CNTN4: variants seen among roughly 807,000 people sequenced by gnomAD.
CNTN4 encodes the protein contactin-4.
CNTN4 carries 77 observed loss-of-function variants against 122.5 expected under a neutral mutation model. That is an observed-to-expected ratio of 0.63 (90% CI 0.52 to 0.76). The LOEUF is 0.76. Ranked by LOEUF, CNTN4 falls within the 30% of genes least tolerant of loss-of-function variation. CNTN4 has a pLI of 0.00. For synonymous variants in CNTN4, 512 were observed against 447.0 expected, an observed-to-expected ratio of 1.15 and a Z score of -1.83; for missense variants, 1,256 against 1,259.1, an observed-to-expected ratio of 1.00 and a Z score of 0.04.
At chr3:2,915,604 C>A (rs1298537626) in intron 12 of CNTN4, among the ~76,000 whole-genome samples, 3 of 152,110 alleles carry the variant, frequency 2.0e-5, no homozygotes, top group African/African-American at 7.2e-5. Flanking sequence ...AAAAAGCTTT[C>A]AATTTTTCAC....
intron 3 of CNTN4, among the ~76,000 whole-genome samples, chr3:2,389,893 T>C (rs1431110794): frequency 1.3e-5 from 2 of 152,196 alleles, no homozygotes; most frequent in Non-Finnish European, 2.9e-5. Flanking sequence ...AAAATAATTG[T>C]CCTGTAATAT....
chr3:2,225,746 G>A (rs2039257453), intron 2 of CNTN4, among the ~76,000 whole-genome samples: 1 of 152,064 alleles, frequency 6.6e-6, no homozygotes, highest in Non-Finnish European at 1.5e-5. Flanking sequence ...CCCATTTGGG[G>A]TGCCCTTCCT....
chr3:2,146,458 C>A (rs373871207), intron 2 of CNTN4, among the ~76,000 whole-genome samples: 1 of 151,942 alleles, frequency 6.6e-6, no homozygotes, highest in Non-Finnish European at 1.5e-5. Flanking sequence ...ATAAGAAATA[C>A]ATTTTATATT....
chr3:2,105,341 C>T (rs530789879), intron 2 of CNTN4, among the ~76,000 whole-genome samples: 1 of 152,198 alleles, frequency 6.6e-6, no homozygotes, highest in South Asian at 2.1e-4. Context: ...TCTGGCTATG[C>T]CTAAAGTGAG....
intron 4 of CNTN4, among the ~76,000 whole-genome samples, chr3:2,630,995 C>G (rs1226068635): frequency 1.3e-5 from 2 of 152,132 alleles, no homozygotes; most frequent in South Asian, 4.1e-4. Flanking sequence ...CTTTCATTCC[C>G]ATGAGATCTC....
At position 2,384,372 on chromosome 3, in the gene CNTN4, C is replaced by T. The variant is rs543953289; in HGVS notation, c.-89+45139C>T. Among the ~76,000 whole-genome samples, 16 of 152,186 alleles carry T rather than the reference C, an allele frequency of 1.1e-4. No individual in the cohort carries two copies. In the East Asian group the frequency reaches 2.7e-3, roughly 26 times the overall value. On this transcript the variant is annotated intron_variant, in intron 3 of 24. Transcript: ENST00000418658. The stretch of plus-strand genomic sequence containing the variant: ...GCTTCCACCAAAGTTCTCATCTTAC[C>T]ATCTTACCTCTTCCAAAGTCGCCTA...
At chr3:2,821,606 A>G (rs1377497850) in intron 7 of CNTN4, among the ~76,000 whole-genome samples, 1 of 152,208 alleles carries the variant, frequency 6.6e-6, no homozygotes, top group Non-Finnish European at 1.5e-5. Flanking sequence ...TAATTTTACT[A>G]GTAAGGGAGA....
intron 6 of CNTN4, among the ~76,000 whole-genome samples, chr3:2,798,919 C>G (rs1034303350): frequency 1.3e-5 from 2 of 152,114 alleles, no homozygotes; most frequent in Non-Finnish European, 2.9e-5. Context: ...AATCTCTATA[C>G]TGTTTTCCAT....
chr3:2,858,623 C>T (rs1186895441), intron 7 of CNTN4, among the ~76,000 whole-genome samples: 3 of 151,348 alleles, frequency 2.0e-5, no homozygotes, highest in African/African-American at 4.9e-5. Flanking sequence ...CTTGGGAGGC[C>T]GAGATGGGAG....
At chr3:3,001,039 G>T (rs1392652054) in intron 14 of CNTN4, among the ~76,000 whole-genome samples, 1 of 152,102 alleles carries the variant, frequency 6.6e-6, no homozygotes, top group Non-Finnish European at 1.5e-5. Flanking sequence ...TTAATCATAT[G>T]TTGGGATTTG....
intron 10 of CNTN4, among the ~76,000 whole-genome samples, chr3:2,900,382 C>T (rs969699999): frequency 1.1e-4 from 17 of 151,890 alleles, no homozygotes; most frequent in African/African-American, 4.1e-4. Context: ...ATATTCTCTA[C>T]TGAAAGGAAA....
At chr3:2,358,796 A>G (rs1336325594) in intron 3 of CNTN4, among the ~76,000 whole-genome samples, 1 of 152,176 alleles carries the variant, frequency 6.6e-6, no homozygotes, top group Non-Finnish European at 1.5e-5. Flanking sequence ...TTTTGTAGAA[A>G]TTATTTTTTA....
intron 2 of CNTN4, among the ~76,000 whole-genome samples, chr3:2,170,301 C>G (rs1468843140): frequency 2.6e-5 from 4 of 151,310 alleles, no homozygotes; most frequent in Admixed American, 1.3e-4. Context: ...GCCTGGGCGA[C>G]ACACCAAGAC....
In CNTN4 at chr3:2,260,487, G is replaced by GA. The variant is rs2149743861; in HGVS notation, c.-144-78685dup. 2.0e-5 allele frequency among the ~76,000 whole-genome samples: 3 copies of GA among 152,028 alleles called. 1 individual carries two copies. Among genetic ancestry groups the GA allele is most frequent in the South Asian group, 4.1e-4 (2 of 4,822 alleles). On this transcript the variant is annotated intron_variant, in intron 2 of 24. Coordinates refer to ENST00000418658, the MANE Select transcript of CNTN4 (RefSeq NM_175607.3). ...ATTAGGATGAGATTTAAGAACAATA[G>GA]AAAAAATCATTGTGGCAGATGAGGT...
chr3:2,355,886 A>G (rs960974875), intron 3 of CNTN4, among the ~76,000 whole-genome samples: 1 of 152,230 alleles, frequency 6.6e-6, no homozygotes, highest in African/African-American at 2.4e-5. Flanking sequence ...TCAATGCTCA[A>G]TTGTAATCTA....
At chr3:2,889,589 C>G (rs1408433358) in intron 10 of CNTN4, among the ~76,000 whole-genome samples, 1 of 152,090 alleles carries the variant, frequency 6.6e-6, no homozygotes, top group East Asian at 1.9e-4. Flanking sequence ...ATTATTTTTT[C>G]TATATCAGAT....
At chr3:2,537,941 G>T (rs1194339904) in intron 3 of CNTN4, among the ~76,000 whole-genome samples, 12 of 151,948 alleles carry the variant, frequency 7.9e-5, no homozygotes, top group African/African-American at 2.9e-4. Flanking sequence ...TGTATAGAAT[G>T]AATTGTGCTC....
At chr3:2,520,517 A>G (rs181056584) in intron 3 of CNTN4, among the ~76,000 whole-genome samples, 39 of 151,812 alleles carry the variant, frequency 2.6e-4, no homozygotes, top group Non-Finnish European at 4.6e-4. Flanking sequence ...CTGGTGATCC[A>G]CCTACCTCTG....
chr3:2,757,364 G>T (rs1490832371), intron 6 of CNTN4, among the ~76,000 whole-genome samples: 1 of 152,132 alleles, frequency 6.6e-6, no homozygotes, highest in South Asian at 2.1e-4. Flanking sequence ...GGAGTAGTTT[G>T]TTGGCCCTGA....
Sources: gnomAD v4.1 joint callset for allele counts (sites outside exome capture counted in the v4.1 genomes callset) on GRCh38, gnomAD v4.1.1 for gene constraint, MANE v1.5 for transcripts, NCBI Gene and HGNC (gene_info 2026-07-23, HGNC 2026-07-21) for gene names.